The following SHANK2 variants were observed in gnomAD, a reference collection of about 807,000 sequenced individuals.
SHANK2 encodes SH3 and multiple ankyrin repeat domains 2.
In SHANK2, 43 loss-of-function variants were observed where a neutral mutation model predicts 133.7. That is an observed-to-expected ratio of 0.32 (90% confidence interval 0.25 to 0.41). SHANK2 has a LOEUF of 0.41. SHANK2 is among the 10% of genes least tolerant of loss of function. SHANK2 has a pLI of 1.00. For synonymous variants in SHANK2, 1,017 were observed against 952.8 expected, an observed-to-expected ratio of 1.07 and a Z score of -1.24; for missense variants, 1,994 against 2,235.8, an observed-to-expected ratio of 0.89 and a Z score of 2.18.
chr11:71,206,151 T>C (rs1293090765), intron 2 of SHANK2, among the ~76,000 whole-genome samples: 1 of 152,194 alleles, frequency 6.6e-6, no homozygotes, highest in Non-Finnish European at 1.5e-5. Context: ...CCCGTGCTGA[T>C]GGAAGAAGAA....
chr11:70,924,186 C>T (rs535511734), intron 10 of SHANK2, among the ~76,000 whole-genome samples: 3 of 152,298 alleles, frequency 2.0e-5, no homozygotes, highest in East Asian at 3.9e-4. Flanking sequence ...TGCACCGTTA[C>T]CAGAGTCCCC....
intron 14 of SHANK2, among the ~76,000 whole-genome samples, chr11:70,783,322 G>A (rs1591840310): frequency 6.6e-6 from 1 of 152,174 alleles, no homozygotes; most frequent in Non-Finnish European, 1.5e-5. Flanking sequence ...GGGTATGGGC[G>A]ATGGAAGGGC....
At chr11:70,701,974 G>A (rs936508558) in intron 14 of SHANK2, among the ~76,000 whole-genome samples, 4 of 129,746 alleles carry the variant, frequency 3.1e-5, no homozygotes, top group Non-Finnish European at 4.9e-5. Context: ...CATAATTACT[G>A]CCATCATCAC....
At chr11:70,692,558 A>G (rs1555021289) in intron 15 of SHANK2, among the ~76,000 whole-genome samples, 4 of 152,204 alleles carry the variant, frequency 2.6e-5, no homozygotes, top group Non-Finnish European at 5.9e-5. Flanking sequence ...GATAACATGC[A>G]TATATGCTTC....
At chr11:70,662,904 G>A (rs1485121098) in intron 15 of SHANK2, among the ~76,000 whole-genome samples, 2 of 152,114 alleles carry the variant, frequency 1.3e-5, no homozygotes, top group Non-Finnish European at 1.5e-5. Flanking sequence ...CAGAAGGGGA[G>A]TGAGATGAAG....
chr11:70,755,634 G>T (rs1055574961), intron 14 of SHANK2, among the ~76,000 whole-genome samples: 7 of 152,190 alleles, frequency 4.6e-5, no homozygotes, highest in Non-Finnish European at 1.0e-4. Context: ...CTGGCAACCG[G>T]CCTTTCTCGT....
rs1026273784 is a variant in SHANK2 at position 71,064,260 on chromosome 11, C to T, written c.1030-7702G>A. Among the ~76,000 whole-genome samples the T allele has an allele frequency of 2.1e-3, 316 of 152,286 alleles. 1 individual carries two copies. Among genetic ancestry groups the T allele is most frequent in the African/African-American group, 7.3e-3 (302 of 41,564 alleles). On this transcript the variant is annotated intron_variant, in intron 9 of 25. Coordinates refer to ENST00000601538, the MANE Select transcript of SHANK2 (RefSeq NM_012309.5). ...AGAAAACAACCACACAACGTCAGGA[C>T]GGGTGGGTCTGATGCAGACAGTGGA...
At chr11:70,741,227 C>CCATG (rs1312574258) in intron 14 of SHANK2, among the ~76,000 whole-genome samples, 1 of 142,482 alleles carries the variant, frequency 7.0e-6, no homozygotes, top group Non-Finnish European at 1.5e-5. Flanking sequence ...ATGCATTTAA[C>CCATG]CATGCATCCA....
At chr11:70,678,089 C>T (rs1189958148) in intron 15 of SHANK2, among the ~76,000 whole-genome samples, 1 of 152,180 alleles carries the variant, frequency 6.6e-6, no homozygotes, top group Non-Finnish European at 1.5e-5. Flanking sequence ...TAAATCTTCC[C>T]CATTCTCCAG....
intron 10 of SHANK2, among the ~76,000 whole-genome samples, chr11:70,913,102 C>T (rs1217117263): frequency 1.3e-5 from 2 of 148,766 alleles, no homozygotes; most frequent in Non-Finnish European, 3.0e-5. Context: ...AAAAAAAAAC[C>T]TACCCTCCCA....
chr11:70,596,649 A>T (rs1288141771), intron 17 of SHANK2, among the ~76,000 whole-genome samples: 1 of 152,172 alleles, frequency 6.6e-6, no homozygotes, highest in Non-Finnish European at 1.5e-5. Flanking sequence ...CAGCGCAGGG[A>T]CTGGTGGCTG....
intron 21 of SHANK2, among the ~76,000 whole-genome samples, chr11:70,498,978 C>T (rs1555157718): frequency 6.6e-6 from 1 of 152,202 alleles, no homozygotes; most frequent in Non-Finnish European, 1.5e-5. Context: ...CTTTGGGGGT[C>T]ACTTTTCAAC....
intron 1 of SHANK2, among the ~76,000 whole-genome samples, chr11:71,249,043 G>A (rs1190227994): frequency 1.3e-5 from 2 of 152,180 alleles, no homozygotes; most frequent in Non-Finnish European, 2.9e-5. Flanking sequence ...GATATCCTCT[G>A]ACCATGAGAG....
rs1433770159 is a variant in SHANK2, at chr11:70,470,906, A to G, written c.*1963T>C. Reference sequence around the variant, plus strand: ...TTTTTGGAGAAACTGCTGCATTATGAATTGTAACCACTTTGAAGAAATTGT... The same window carrying G: ...TTTTTGGAGAAACTGCTGCATTATGGATTGTAACCACTTTGAAGAAATTGT... On this transcript the variant is annotated 3_prime_UTR_variant, in exon 26 of 26. Transcript: ENST00000601538. 5.7e-6 allele frequency: 1 copy of G among 176,664 alleles called. No homozygotes were observed. The highest frequency in any genetic ancestry group is 1.2e-5 in the Non-Finnish European group (1 of 84,532). 10.9% of individuals were successfully genotyped at this position (176,664 alleles called of 1,614,324 possible).
rs144713437 is a variant in SHANK2 at position 71,174,038 on chromosome 11, G to A, written c.-12-26700C>T. On this transcript the variant is annotated intron_variant, in intron 2 of 25. Coordinates refer to ENST00000601538, the MANE Select transcript of SHANK2 (RefSeq NM_012309.5). ...TGCTTCCATCTGTTTCAGCAGCCATGAAAGCCCAATACATCGAGGCTTCAC... is the reference window on the plus strand; with the variant it reads ...TGCTTCCATCTGTTTCAGCAGCCATAAAAGCCCAATACATCGAGGCTTCAC... Among the ~76,000 whole-genome samples the A allele has an allele frequency of 5.9e-3, 898 of 152,340 alleles. 9 individuals carry two copies. The highest frequency in any genetic ancestry group is 0.021 in the African/African-American group (861 of 41,582).
At chr11:71,245,194 G>A (rs1298273302) in intron 1 of SHANK2, among the ~76,000 whole-genome samples, 6 of 151,824 alleles carry the variant, frequency 4.0e-5, no homozygotes, top group Non-Finnish European at 7.4e-5. Flanking sequence ...TGCCTAGGCT[G>A]GTCTCAAATT....
intron 17 of SHANK2, among the ~76,000 whole-genome samples, chr11:70,556,154 G>A (rs1170050894): frequency 6.6e-6 from 1 of 152,146 alleles, no homozygotes; most frequent in African/African-American, 2.4e-5. Context: ...TTAATGATAC[G>A]GATTTAAGTT....
At chr11:70,803,811 A>T (rs1555051224) in intron 13 of SHANK2, among the ~76,000 whole-genome samples, 1 of 130,254 alleles carries the variant, frequency 7.7e-6, no homozygotes, top group Non-Finnish European at 1.7e-5. Flanking sequence ...CCCTTGAATT[A>T]AAAAAAAAAA....
chr11:70,837,007 C>T (rs1246992991), intron 11 of SHANK2, among the ~76,000 whole-genome samples: 1 of 152,152 alleles, frequency 6.6e-6, no homozygotes. Flanking sequence ...CATGGGAGGG[C>T]TCAACCAGAA....
Sources: allele counts gnomAD v4.1 joint callset (sites outside exome capture counted in the v4.1 genomes callset), GRCh38; gene constraint gnomAD v4.1.1; transcripts MANE v1.5; gene names NCBI Gene and HGNC (gene_info 2026-07-23, HGNC 2026-07-21).